Variants in ALK observed in about 807,000 individuals in gnomAD.
ALK encodes ALK tyrosine kinase receptor.
Under a neutral mutation model 163.1 loss-of-function variants are expected in ALK, and 74 were observed. That is an observed-to-expected ratio of 0.45 (90% confidence interval 0.38 to 0.55). ALK has a LOEUF of 0.55. Ranked by LOEUF, ALK falls within the 20% of genes least tolerant of loss-of-function variation. The probability of loss-of-function intolerance (pLI) is 0.00; values close to 1 mark genes in which losing one functional copy is unlikely to be tolerated. For missense variants in ALK, 2,063 were observed against 2,105.3 expected, an observed-to-expected ratio of 0.98 and a Z score of 0.39; for synonymous variants, 960 against 843.2, an observed-to-expected ratio of 1.14 and a Z score of -2.40.
intron 3 of ALK, among the ~76,000 whole-genome samples, chr2:29,644,703 C>G (rs1028498255): frequency 7.2e-6 from 1 of 138,598 alleles, no homozygotes; most frequent in African/African-American, 2.8e-5. Context: ...AGTTTGTCTC[C>G]GACACAGATG....
intron 3 of ALK, among the ~76,000 whole-genome samples, chr2:29,684,679 G>A (rs1197319930): frequency 1.3e-5 from 2 of 152,200 alleles, no homozygotes; most frequent in African/African-American, 4.8e-5. Context: ...GGACACCCCA[G>A]TATCACTGGT....
In ALK at chr2:29,362,120, G is replaced by A. The variant is rs115298639; in HGVS notation, c.1282+21612C>T. On this transcript the variant is annotated intron_variant, in intron 5 of 28. Transcript: ENST00000389048. Reference sequence around the variant, plus strand: ...GATGGAAAGTGAAAGGGAGGGCTCCGGAATGGATTGATGGGTGGTGGGCAG... The same window carrying A: ...GATGGAAAGTGAAAGGGAGGGCTCCAGAATGGATTGATGGGTGGTGGGCAG... Among the ~76,000 whole-genome samples, 434 of 152,218 alleles carry A rather than the reference G, an allele frequency of 2.9e-3. 2 individuals are homozygous for A. Among genetic ancestry groups the A allele is most frequent in the African/African-American group, 9.8e-3 (408 of 41,542 alleles).
intron 1 of ALK, among the ~76,000 whole-genome samples, chr2:29,741,931 G>A (rs1056577741): frequency 1.3e-5 from 2 of 152,146 alleles, no homozygotes; most frequent in African/African-American, 4.8e-5. Flanking sequence ...AAAGTGCTGG[G>A]ACTAAGAAGG....
At chr2:29,239,011 T>G (rs1448875193) in intron 13 of ALK, among the ~76,000 whole-genome samples, 3 of 152,254 alleles carry the variant, frequency 2.0e-5, no homozygotes, top group African/African-American at 7.2e-5. Flanking sequence ...TATAGCAGCC[T>G]GTAATTTAAT....
intron 3 of ALK, among the ~76,000 whole-genome samples, chr2:29,679,518 T>C (rs188452455): frequency 4.6e-5 from 7 of 151,938 alleles, no homozygotes; most frequent in African/African-American, 1.7e-4. Context: ...GCTCTAAAAA[T>C]TACAACATGC....
At chr2:29,373,798 T>C (rs1031191874) in intron 5 of ALK, among the ~76,000 whole-genome samples, 2 of 152,216 alleles carry the variant, frequency 1.3e-5, no homozygotes, top group African/African-American at 2.4e-5. Flanking sequence ...AGGGAGGCAG[T>C]GTGACAGGCA....
intron 5 of ALK, among the ~76,000 whole-genome samples, chr2:29,354,954 G>A (rs1334474861): frequency 6.6e-6 from 1 of 151,996 alleles, no homozygotes; most frequent in Non-Finnish European, 1.5e-5. Context: ...TTTTAGTAGA[G>A]ACGGGGTTTC....
chr2:29,902,371 C>T (rs1301541223), intron 1 of ALK, among the ~76,000 whole-genome samples: 1 of 152,186 alleles, frequency 6.6e-6, no homozygotes, highest in Non-Finnish European at 1.5e-5. Flanking sequence ...ATCCTCTTCT[C>T]CATCATCCTG....
At chr2:29,369,499 G>A (rs11886642) in intron 5 of ALK, among the ~76,000 whole-genome samples, 24,949 of 152,070 alleles carry the variant, frequency 0.16, 2,159 homozygotes, top group African/African-American at 0.19. Context: ...CAGTGTAGCC[G>A]ATCCAACCAT....
At chr2:29,698,257 GCAAAGAGAAAA>G (rs1447941996) in intron 2 of ALK, among the ~76,000 whole-genome samples, 1 of 152,108 alleles carries the variant, frequency 6.6e-6, no homozygotes, top group Non-Finnish European at 1.5e-5. Context: ...AGAGCAGACT[GCAAAGAGAAAA>G]CTGGTCCAAC....
chr2:29,483,877 C>G (rs1159059307), intron 4 of ALK, among the ~76,000 whole-genome samples: 2 of 151,996 alleles, frequency 1.3e-5, no homozygotes, highest in Non-Finnish European at 2.9e-5. Context: ...AAAGACATAC[C>G]CGAGACTGGG....
intron 4 of ALK, among the ~76,000 whole-genome samples, chr2:29,530,495 G>A (rs557420627): frequency 3.3e-5 from 5 of 152,344 alleles, no homozygotes; most frequent in African/African-American, 1.2e-4. Context: ...TGAGGGCTCA[G>A]AAGCCTCAAG....
rs562440009 is a variant in ALK, at chr2:29,508,035, G to A, written c.1154+23880C>T. Among the ~76,000 whole-genome samples the A allele has an allele frequency of 2.6e-5, 4 of 152,274 alleles. No individual in the cohort carries two copies. In the East Asian group the frequency reaches 7.7e-4, roughly 29 times the overall value. ...TCTTGCGTGAGTGTGGTTAGCCTGA[G>A]TCCTGAGCATGTTTGGCCCCACCAA... On this transcript the variant is annotated intron_variant, in intron 4 of 28. Coordinates refer to ENST00000389048, the MANE Select transcript of ALK (RefSeq NM_004304.5).
chr2:29,838,192 G>GA (rs939013667), intron 1 of ALK, among the ~76,000 whole-genome samples: 4 of 151,842 alleles, frequency 2.6e-5, no homozygotes, highest in African/African-American at 4.8e-5. Context: ...TGTTAAAAAG[G>GA]AAAAAAAGGA....
chr2:29,395,557 C>A (rs761570326), intron 4 of ALK, among the ~76,000 whole-genome samples: 3 of 152,198 alleles, frequency 2.0e-5, no homozygotes, highest in African/African-American at 7.2e-5. Context: ...TCTTCAGAAG[C>A]AAGTTCTCTC....
At chr2:29,550,987 A>G (rs1673700161) in intron 3 of ALK, among the ~76,000 whole-genome samples, 1 of 152,168 alleles carries the variant, frequency 6.6e-6, no homozygotes, top group South Asian at 2.1e-4. Context: ...ATCACATTTA[A>G]TCTGTTGTTT....
At chr2:29,793,399 C>T (rs1664234073) in intron 1 of ALK, among the ~76,000 whole-genome samples, 1 of 152,120 alleles carries the variant, frequency 6.6e-6, no homozygotes, top group Non-Finnish European at 1.5e-5. Context: ...TCTTCCAAAC[C>T]CCTGTTCATG....
rs116726348 is a variant in ALK, at chr2:29,646,433, G to A, written c.952+48417C>T. The stretch of plus-strand genomic sequence containing the variant: ...TATAGTCTCAACTTGACAGCTGAAG[G>A]GGTCCTTTTAAAACTTGCATTAGAA... On this transcript the variant is annotated intron_variant, in intron 3 of 28. Transcript: ENST00000389048. Among the ~76,000 whole-genome samples, 1,209 of 152,206 alleles carry A rather than the reference G, an allele frequency of 7.9e-3. 10 individuals are homozygous for A. Among genetic ancestry groups the A allele is most frequent in the Middle Eastern group, 0.041 (12 of 294 alleles).
chr2:29,295,637 A>T lies in ALK; in HGVS notation c.1817+1251T>A, dbSNP rs146509245. Among the ~76,000 whole-genome samples the T allele has an allele frequency of 4.5e-3, 679 of 152,336 alleles. 5 individuals carry two copies. Among genetic ancestry groups the T allele is most frequent in the African/African-American group, 0.016 (652 of 41,582 alleles). ...GTCCTTTGACAGCACTGATGCAGTT[A>T]TGAGCTCTTGGACATAGCAGACTGT... On this transcript the variant is annotated intron_variant, in intron 9 of 28. Transcript: ENST00000389048.
Sources: gnomAD v4.1 joint callset for allele counts (sites outside exome capture counted in the v4.1 genomes callset) on GRCh38, gnomAD v4.1.1 for gene constraint, MANE v1.5 for transcripts, NCBI Gene and HGNC (gene_info 2026-07-23, HGNC 2026-07-21) for gene names.